Variants in GABRG3 observed in about 807,000 individuals in gnomAD.
GABRG3 encodes the protein gamma-aminobutyric acid receptor subunit gamma-3.
GABRG3 carries 25 observed loss-of-function variants against 48.8 expected under a neutral mutation model. That is an observed-to-expected ratio of 0.51 (90% confidence interval 0.37 to 0.72). The LOEUF is 0.72. GABRG3 is among the 30% of genes least tolerant of loss of function. The pLI, the probability that GABRG3 is intolerant of heterozygous loss-of-function variation, is 0.00. For synonymous variants in GABRG3, 227 were observed against 217.6 expected (o/e 1.04, Z -0.38); for missense variants, 394 against 577.9 (o/e 0.68, Z 3.26).
chr15:27,486,615 G>A (rs577051568), intron 6 of GABRG3, among the ~76,000 whole-genome samples: 1 of 152,144 alleles, frequency 6.6e-6, no homozygotes, highest in South Asian at 2.1e-4. Context: ...CACTGTACTT[G>A]AACATATCTG....
intron 3 of GABRG3, among the ~76,000 whole-genome samples, chr15:27,285,378 C>T (rs1326090903): frequency 6.6e-6 from 1 of 151,348 alleles, no homozygotes; most frequent in African/African-American, 2.4e-5. Context: ...AGCTCTCTGC[C>T]CAAGGACCGA....
At chr15:27,531,349 A>G (rs1189048744) in intron 9 of GABRG3, among the ~76,000 whole-genome samples, 1 of 152,230 alleles carries the variant, frequency 6.6e-6, no homozygotes, top group Non-Finnish European at 1.5e-5. Context: ...TGACCCCATG[A>G]CTATGAGCAT....
In GABRG3 at chr15:27,475,091, G is replaced by A. The variant is rs183794972; in HGVS notation, c.575-5559G>A. 4.6e-5 allele frequency among the ~76,000 whole-genome samples: 7 copies of A among 152,166 alleles called. No homozygotes were observed. The East Asian group carries it at 1.2e-3, about 25-fold the overall frequency. Reference sequence around the variant, plus strand: ...GTTGCAGTGAGCTGAGATCGCGCCAGTGCACTCCAACCTGGGCAACAGAGT... The same window carrying A: ...GTTGCAGTGAGCTGAGATCGCGCCAATGCACTCCAACCTGGGCAACAGAGT... On this transcript the variant is annotated intron_variant, in intron 5 of 9. Transcript: ENST00000615808.
At chr15:27,136,893 C>T (rs556099482) in intron 3 of GABRG3, among the ~76,000 whole-genome samples, 168 of 152,160 alleles carry the variant, frequency 1.1e-3, no homozygotes, top group South Asian at 4.2e-4. Flanking sequence ...TCTCTCCTGT[C>T]GCCCCCGCCT....
chr15:27,228,381 C>CA (rs1467254480), intron 3 of GABRG3, among the ~76,000 whole-genome samples: 1 of 152,190 alleles, frequency 6.6e-6, no homozygotes, highest in Non-Finnish European at 1.5e-5. Flanking sequence ...CATGTTCCCG[C>CA]AAAAGACATG....
At chr15:27,459,512 G>C (rs1363972522) in intron 5 of GABRG3, among the ~76,000 whole-genome samples, 1 of 152,158 alleles carries the variant, frequency 6.6e-6, no homozygotes, top group Non-Finnish European at 1.5e-5. Context: ...GATCTCATGT[G>C]CTCATATTAA....
rs548105557 is a variant in GABRG3 at position 27,053,963 on chromosome 15, C to A, written c.270+27142C>A. On this transcript the variant is annotated intron_variant, in intron 3 of 9. Transcript: ENST00000615808. ...TAAAGATGGGAATAGACACTGGGGA[C>A]TTCAAAAGGAGGGAGGGGCCGGGTG... Among the ~76,000 whole-genome samples the A allele has an allele frequency of 6.6e-5, 10 of 152,314 alleles. No homozygotes were observed. In the East Asian group the frequency reaches 1.9e-3, roughly 29 times the overall value.
intron 5 of GABRG3, among the ~76,000 whole-genome samples, chr15:27,367,194 C>T (rs1247885032): frequency 6.6e-6 from 1 of 152,164 alleles, no homozygotes; most frequent in Admixed American, 6.5e-5. Flanking sequence ...CTACCTCCCT[C>T]CCCCTACAAG....
chr15:27,177,554 T>G (rs1887786086), intron 3 of GABRG3, among the ~76,000 whole-genome samples: 1 of 152,248 alleles, frequency 6.6e-6, no homozygotes, highest in Non-Finnish European at 1.5e-5. Context: ...GCTTCAAAGT[T>G]AAGTTATAAA....
intron 5 of GABRG3, among the ~76,000 whole-genome samples, chr15:27,380,884 G>C (rs1895751214): frequency 6.6e-6 from 1 of 150,892 alleles, no homozygotes; most frequent in African/African-American, 2.4e-5. Flanking sequence ...TCCTGCCTCA[G>C]CCTCCCGAGT....
chr15:27,308,301 C>A lies in GABRG3; in HGVS notation c.271-18508C>A, dbSNP rs191166337. Among the ~76,000 whole-genome samples, 170 of 106,768 alleles carry A rather than the reference C, an allele frequency of 1.6e-3. 1 individual carries two copies. Among genetic ancestry groups the A allele is most frequent in the East Asian group, 4.9e-3 (17 of 3,488 alleles). The allele number at this position is 106,768 out of a possible 152,430, so 70.0% of individuals were successfully genotyped here. ...TAAACATACGTTTATATATAAACAT[C>A]ATATAAACATATATAAACATACGTT... On this transcript the variant is annotated intron_variant, in intron 3 of 9. Coordinates refer to ENST00000615808, the MANE Select transcript of GABRG3 (RefSeq NM_033223.5).
At chr15:27,092,554 T>C (rs916298692) in intron 3 of GABRG3, among the ~76,000 whole-genome samples, 1 of 152,210 alleles carries the variant, frequency 6.6e-6, no homozygotes, top group Non-Finnish European at 1.5e-5. Context: ...AACAAGCGGA[T>C]GCTCTGGAGG....
intron 3 of GABRG3, among the ~76,000 whole-genome samples, chr15:27,045,591 G>T (rs1021611622): frequency 1.3e-5 from 2 of 152,208 alleles, no homozygotes; most frequent in African/African-American, 4.8e-5. Flanking sequence ...TGCTGCAATT[G>T]CTGGGCATCA....
At chr15:27,420,490 C>G (rs1595742864) in intron 5 of GABRG3, among the ~76,000 whole-genome samples, 1 of 152,136 alleles carries the variant, frequency 6.6e-6, no homozygotes, top group African/African-American at 2.4e-5. Flanking sequence ...TTAGTAATGC[C>G]TATTCCACAC....
chr15:27,001,888 G>GTTTTTTTTT lies in GABRG3; in HGVS notation c.202+24745_202+24753dup, dbSNP rs60516105. On this transcript the variant is annotated intron_variant, in intron 2 of 9. Coordinates refer to ENST00000615808, the MANE Select transcript of GABRG3 (RefSeq NM_033223.5). ...CTTGAAGAGAGGTTCCCATAACTCA[G>GTTTTTTTTT]TTTTTTTTTTTTTTTAAGATATGGT... is the stretch of plus-strand genomic sequence containing the variant. Among the ~76,000 whole-genome samples, 33 of 121,210 alleles carry GTTTTTTTTT rather than the reference G, an allele frequency of 2.7e-4. 7 individuals are homozygous for GTTTTTTTTT. Among genetic ancestry groups the GTTTTTTTTT allele is most frequent in the African/African-American group, 3.8e-4 (12 of 31,542 alleles). 79.5% of individuals were successfully genotyped at this position (121,210 alleles called of 152,430 possible).
intron 5 of GABRG3, among the ~76,000 whole-genome samples, chr15:27,470,416 A>G (rs1325215786): frequency 1.3e-5 from 2 of 151,496 alleles, no homozygotes; most frequent in Non-Finnish European, 2.9e-5. Flanking sequence ...GTATTTTAGT[A>G]GAGATGGGGT....
intron 3 of GABRG3, among the ~76,000 whole-genome samples, chr15:27,198,144 C>G (rs2140427131): frequency 6.6e-6 from 1 of 152,234 alleles, no homozygotes; most frequent in South Asian, 2.1e-4. Context: ...CCAAAATTGA[C>G]AAATGGGATC....
intron 3 of GABRG3, among the ~76,000 whole-genome samples, chr15:27,136,457 G>A (rs1898009154): frequency 6.6e-6 from 1 of 152,126 alleles, no homozygotes; most frequent in South Asian, 2.1e-4. Flanking sequence ...ACTTTAGAGG[G>A]TGGAAGGTGG....
intron 5 of GABRG3, among the ~76,000 whole-genome samples, chr15:27,430,989 C>CAATAAATAAATAAATAAATA: frequency 7.1e-6 from 1 of 141,216 alleles, no homozygotes; most frequent in South Asian, 2.4e-4. Context: ...GTCCCTGTCT[C>CAATAAATAAATAAATAAATA]AATAAATAAA....
Sources: allele counts gnomAD v4.1 joint callset (sites outside exome capture counted in the v4.1 genomes callset), GRCh38; gene constraint gnomAD v4.1.1; transcripts MANE v1.5; gene names NCBI Gene and HGNC (gene_info 2026-07-23, HGNC 2026-07-21).